Variants in NR6A1 observed in about 807,000 individuals in gnomAD.
The protein encoded by NR6A1 is nuclear receptor subfamily 6 group A member 1.
Under a neutral mutation model 59.1 loss-of-function variants are expected in NR6A1, and 7 were observed. The ratio of observed to expected loss-of-function variants is 0.12; its 90% CI spans 0.07 to 0.22. The LOEUF (loss-of-function observed/expected upper bound fraction) is 0.22, where lower values mean the gene tolerates loss of function less well. NR6A1 is among the 10% of genes least tolerant of loss of function. The pLI is 1.00. For synonymous variants in NR6A1, 243 were observed against 236.1 expected (o/e 1.03, Z -0.27); for missense variants, 468 against 611.6 (o/e 0.77, Z 2.48).
chr9:124,654,479 C>T (rs1399381573), intron 2 of NR6A1, among the ~76,000 whole-genome samples: 1 of 152,166 alleles, frequency 6.6e-6, no homozygotes, highest in African/African-American at 2.4e-5. Flanking sequence ...AGCCATACTA[C>T]CCTTTTGGCT....
At chr9:124,606,766 AG>A (rs1835585801) in intron 2 of NR6A1, among the ~76,000 whole-genome samples, 1 of 152,222 alleles carries the variant, frequency 6.6e-6, no homozygotes, top group African/African-American at 2.4e-5. Context: ...CCAAGAACAC[AG>A]GGTATGTGCC....
intron 2 of NR6A1, among the ~76,000 whole-genome samples, chr9:124,611,287 T>C (rs1835735440): frequency 6.6e-6 from 1 of 152,164 alleles, no homozygotes; most frequent in African/African-American, 2.4e-5. Flanking sequence ...GTAGTTATTA[T>C]TTTCCTTACT....
At chr9:124,635,113 T>C (rs74437808) in intron 2 of NR6A1, among the ~76,000 whole-genome samples, 2,719 of 152,294 alleles carry the variant, frequency 0.018, 82 homozygotes, top group African/African-American at 0.062. Context: ...GGAATAGTAT[T>C]ACAAAGAATA....
At chr9:124,567,274 G>A (rs1834286545) in intron 2 of NR6A1, among the ~76,000 whole-genome samples, 1 of 152,140 alleles carries the variant, frequency 6.6e-6, no homozygotes, top group Non-Finnish European at 1.5e-5. Flanking sequence ...GAACTCCAAG[G>A]GGTGGGGGTT....
chr9:124,654,875 T>TATACACACACACAC (rs1554740203), intron 2 of NR6A1, among the ~76,000 whole-genome samples: 1 of 123,876 alleles, frequency 8.1e-6, no homozygotes, highest in Non-Finnish European at 1.7e-5. Flanking sequence ...TTTTTTTTTG[T>TATACACACACACAC]ACACACACAC....
intron 5 of NR6A1, among the ~76,000 whole-genome samples, chr9:124,539,047 T>A (rs61447591): frequency 0.012 from 1,799 of 151,704 alleles, 37 homozygotes; most frequent in African/African-American, 0.041. Context: ...ATCTCTTTTT[T>A]TAAAAAAAAA....
chr9:124,564,802 T>C (rs1004837778), intron 2 of NR6A1, among the ~76,000 whole-genome samples: 2 of 152,066 alleles, frequency 1.3e-5, no homozygotes, highest in African/African-American at 4.8e-5. Context: ...CAATCTACCA[T>C]ACATCAACAT....
At chr9:124,723,861 T>C (rs1839635545) in intron 2 of NR6A1, among the ~76,000 whole-genome samples, 1 of 152,196 alleles carries the variant, frequency 6.6e-6, no homozygotes, top group Non-Finnish European at 1.5e-5. Context: ...TGAAGCCAAG[T>C]TGAATCCAAG....
rs576240820 is a variant in NR6A1, at chr9:124,735,211, T to C, written c.101-1862A>G. Among the ~76,000 whole-genome samples, 10 of 152,344 alleles carry C rather than the reference T, an allele frequency of 6.6e-5. No homozygotes were observed. In the East Asian group the frequency reaches 1.7e-3, roughly 26 times the overall value. Reference sequence around the variant, plus strand: ...CAAACATGCCACATTCTTTCTTGCCTTTCTGTGAGTCCTCCTCCTCCTCCA... The same window carrying C: ...CAAACATGCCACATTCTTTCTTGCCCTTCTGTGAGTCCTCCTCCTCCTCCA... On this transcript the variant is annotated intron_variant, in intron 1 of 9. Coordinates refer to ENST00000487099, the MANE Select transcript of NR6A1 (RefSeq NM_033334.4).
chr9:124,686,535 T>C (rs1014164630), intron 2 of NR6A1, among the ~76,000 whole-genome samples: 7 of 152,148 alleles, frequency 4.6e-5, no homozygotes, highest in Admixed American at 1.3e-4. Flanking sequence ...TAATCGCTGG[T>C]AGAGTAACTC....
intron 3 of NR6A1, among the ~76,000 whole-genome samples, chr9:124,553,614 C>A (rs1187675904): frequency 7.5e-6 from 1 of 133,534 alleles, no homozygotes; most frequent in African/African-American, 2.8e-5. Flanking sequence ...TCTTAATCCA[C>A]ATCCTCGATT....
intron 4 of NR6A1, among the ~76,000 whole-genome samples, chr9:124,543,017 T>C (rs1833496030): frequency 6.6e-6 from 1 of 152,194 alleles, no homozygotes; most frequent in African/African-American, 2.4e-5. Flanking sequence ...AACAAAGACT[T>C]TTCCTAAGGA....
chr9:124,569,690 C>T lies in NR6A1; in HGVS notation c.143-15120G>A, dbSNP rs535856480. Among the ~76,000 whole-genome samples the T allele has an allele frequency of 5.9e-4, 90 of 152,288 alleles. 1 individual carries two copies. The South Asian group carries it at 0.018, about 30-fold the overall frequency. On this transcript the variant is annotated intron_variant, in intron 2 of 9. Coordinates refer to ENST00000487099, the MANE Select transcript of NR6A1 (RefSeq NM_033334.4). Reference sequence around the variant, plus strand: ...CACTATCTGAAATGAAGGCCTCAGGCTGTACAGCAGAATTGAAATTGGGAA... The same window carrying T: ...CACTATCTGAAATGAAGGCCTCAGGTTGTACAGCAGAATTGAAATTGGGAA...
intron 2 of NR6A1, among the ~76,000 whole-genome samples, chr9:124,621,344 T>C (rs1023788812): frequency 6.6e-6 from 1 of 152,076 alleles, no homozygotes; most frequent in Non-Finnish European, 1.5e-5. Context: ...TTAGCATACA[T>C]TGGGGATTCA....
intron 2 of NR6A1, among the ~76,000 whole-genome samples, chr9:124,699,714 G>A (rs1206020948): frequency 1.3e-5 from 2 of 152,138 alleles, no homozygotes; most frequent in African/African-American, 4.8e-5. Flanking sequence ...TTATAGACTT[G>A]TGCAAGCATC....
chr9:124,538,072 G>A lies in NR6A1; in HGVS notation c.824+20C>T, dbSNP rs1214231666. ...ACACTTTGAGACTGCAAGGGGCCAA[G>A]AAGGGCGGAGCTCACTCACCCATCT... On this transcript the variant is annotated intron_variant, in intron 6 of 9. Transcript: ENST00000487099. 2.5e-6 allele frequency: 4 copies of A among 1,584,806 alleles called. No individual in the cohort carries two copies. The highest frequency in any genetic ancestry group is 1.3e-5 in the African/African-American group (1 of 74,576).
At chr9:124,756,620 T>C (rs1247727259) in intron 1 of NR6A1, among the ~76,000 whole-genome samples, 1 of 152,182 alleles carries the variant, frequency 6.6e-6, no homozygotes, top group Non-Finnish European at 1.5e-5. Context: ...TCTTTCACCA[T>C]CAAACACTGC....
chr9:124,558,840 C>CCCAA (rs1168575229), intron 2 of NR6A1, among the ~76,000 whole-genome samples: 2 of 151,506 alleles, frequency 1.3e-5, no homozygotes, highest in Non-Finnish European at 2.9e-5. Flanking sequence ...CAACCAACCA[C>CCCAA]CCAACCAACC....
chr9:124,583,133 C>T (rs2131465226), intron 2 of NR6A1, among the ~76,000 whole-genome samples: 1 of 152,108 alleles, frequency 6.6e-6, no homozygotes, highest in Middle Eastern at 3.4e-3. Flanking sequence ...GCAAATCACG[C>T]ACCCACCCAC....
Sources: gnomAD v4.1 joint callset for allele counts (sites outside exome capture counted in the v4.1 genomes callset) on GRCh38, gnomAD v4.1.1 for gene constraint, MANE v1.5 for transcripts, NCBI Gene and HGNC (gene_info 2026-07-23, HGNC 2026-07-21) for gene names.